The following SEZ6 variants were observed in gnomAD, a reference collection of about 807,000 sequenced individuals.
SEZ6 encodes seizure related 6 homolog.
A neutral mutation model predicts 101.0 loss-of-function variants in SEZ6; 53 were observed. The ratio of observed to expected loss-of-function variants is 0.52; its 90% CI spans 0.42 to 0.66. SEZ6 has a LOEUF of 0.66. SEZ6 is among the 30% of genes least tolerant of loss of function. The pLI, the probability that SEZ6 is intolerant of heterozygous loss-of-function variation, is 0.00. For synonymous variants in SEZ6, 488 were observed against 512.2 expected (o/e 0.95, Z 0.64); for missense variants, 1,102 against 1,289.4 (o/e 0.85, Z 2.23).
At chr17:28,971,525 G>A (rs138978098) in intron 3 of SEZ6, among the ~76,000 whole-genome samples, 2,853 of 152,092 alleles carry the variant, frequency 0.019, 89 homozygotes, top group African/African-American at 0.065. Context: ...CCTGGGAGGC[G>A]GAGGTTGCGG....
At chr17:28,964,947 G>C (rs1032845938) in intron 4 of SEZ6, among the ~76,000 whole-genome samples, 1 of 151,582 alleles carries the variant, frequency 6.6e-6, no homozygotes, top group Non-Finnish European at 1.5e-5. Context: ...TCCCAGCTAC[G>C]GGGGAGGCTG....
intron 4 of SEZ6, among the ~76,000 whole-genome samples, chr17:28,966,723 A>G (rs1421866675): frequency 1.3e-5 from 2 of 152,066 alleles, no homozygotes; most frequent in African/African-American, 4.8e-5. Flanking sequence ...CTTTGTGTGA[A>G]TAGAAAAATG....
In SEZ6 at chr17:29,005,512, G is replaced by A. The variant is rs995841333; in HGVS notation, c.55+303C>T. 1.3e-5 allele frequency among the ~76,000 whole-genome samples: 2 copies of A among 152,212 alleles called. No individual in the cohort carries two copies. Among genetic ancestry groups the A allele is most frequent in the African/African-American group, 4.8e-5 (2 of 41,470 alleles). ...TAGAGTGTGGCGAGGTAGCGCGCGG[G>A]TGAGCGCGTGTGTGCGGGGAGTGGG... On this transcript the variant is annotated intron_variant, in intron 1 of 16. Coordinates refer to ENST00000317338, the MANE Select transcript of SEZ6 (RefSeq NM_178860.5). This position sits in a 1 kb window ranked among gnomAD's most constrained non-coding sequence, Gnocchi z 4.8.
chr17:28,986,973 G>C (rs547197142), intron 1 of SEZ6, among the ~76,000 whole-genome samples: 1 of 152,320 alleles, frequency 6.6e-6, no homozygotes, highest in African/African-American at 2.4e-5. Flanking sequence ...GGGCAGTCAC[G>C]GGAACCAAAG....
In SEZ6 at chr17:28,979,794, G is replaced by A. The variant is rs751156958; in HGVS notation, c.744C>T (p.Phe248=). The A allele has an allele frequency of 3.7e-6, 6 of 1,611,194 alleles. No homozygotes were observed. The highest frequency in any genetic ancestry group is 5.1e-6 in the Non-Finnish European group (6 of 1,178,802). Reference sequence around the variant, plus strand: ...AGTCCAGAGAGCCCTCTGGGCCTGAGAAATTCCAGCTACAAGGGCCTGGGA... The same window carrying A: ...AGTCCAGAGAGCCCTCTGGGCCTGAAAAATTCCAGCTACAAGGGCCTGGGA... ...VQTPGPCSWN[F]SGPEGSLDSP... Residue 248 remains phenylalanine, a synonymous_variant, in exon 3 of 17, where the codon TTC becomes TTT. Coordinates refer to ENST00000317338, the MANE Select transcript of SEZ6 (RefSeq NM_178860.5).
At chr17:28,957,581 C>T in intron 11 of SEZ6, 42 bp from the exon 12 acceptor site, 1 of 1,576,550 alleles carries the variant, frequency 6.3e-7, no homozygotes, top group Non-Finnish European at 8.6e-7. Context: ...CCAAGGAGAA[C>T]TAAGCAGAGG....
chr17:28,985,807 A>G lies in SEZ6; in HGVS notation c.56-3768T>C, dbSNP rs528294576. Among the ~76,000 whole-genome samples, 6 of 152,312 alleles carry G rather than the reference A, an allele frequency of 3.9e-5. No individual in the cohort carries two copies. In the South Asian group the frequency reaches 1.2e-3, roughly 32 times the overall value. On this transcript the variant is annotated intron_variant, in intron 1 of 16. Transcript: ENST00000317338. ...AACAAGGATAATACTGCACCATGCAAAGGGCGACCACCTTCAAGGCCCTGC... is the reference window on the plus strand; with the variant it reads ...AACAAGGATAATACTGCACCATGCAGAGGGCGACCACCTTCAAGGCCCTGC...
Position 29,005,077 on chromosome 17 carries a change from TG to T in SEZ6, c.55+737del, listed in dbSNP as rs1448691236. On this transcript the variant is annotated intron_variant, in intron 1 of 16. Coordinates refer to ENST00000317338, the MANE Select transcript of SEZ6 (RefSeq NM_178860.5). The surrounding 1 kb of genome is among the most constrained non-coding windows in gnomAD (Gnocchi z 4.8). The stretch of plus-strand genomic sequence containing the variant: ...GGGAGGGAGGCAGAGCTCGGGGCAG[TG>T]GTGTGTGTGTGTGTGTGTGTGTGTG... 7.2e-5 allele frequency among the ~76,000 whole-genome samples: 7 copies of T among 96,850 alleles called. No individual in the cohort carries two copies. Among genetic ancestry groups the T allele is most frequent in the Non-Finnish European group, 1.1e-4 (5 of 45,736 alleles). 63.5% of individuals were successfully genotyped at this position (96,850 alleles called of 152,430 possible). A position where few individuals can be genotyped will look rare whatever the true frequency, so the allele number is the denominator to read the frequency against.
chr17:28,982,190 G>T (rs1959579578), intron 1 of SEZ6, among the ~76,000 whole-genome samples, 151 bp from the exon 2 acceptor site: 1 of 152,146 alleles, frequency 6.6e-6, no homozygotes, highest in Non-Finnish European at 1.5e-5. Flanking sequence ...CAGAATTTGT[G>T]AACTGGAAGT....
chr17:28,973,737 A>T (rs1195733821), intron 3 of SEZ6, among the ~76,000 whole-genome samples: 1 of 152,072 alleles, frequency 6.6e-6, no homozygotes, highest in East Asian at 1.9e-4. Flanking sequence ...GTCGGACAGG[A>T]GGGGTGATGA....
At chr17:28,963,127 G>GAA (rs61378133) in intron 5 of SEZ6, among the ~76,000 whole-genome samples, 4 of 110,290 alleles carry the variant, frequency 3.6e-5, no homozygotes, top group Admixed American at 9.4e-5. Context: ...CCGTCTCGAA[G>GAA]AAAAAAAAAA....
chr17:28,956,658 G>C, intron 14 of SEZ6, 61 bp downstream of exon 14: 9 of 1,548,818 alleles, frequency 5.8e-6, no homozygotes, highest in Non-Finnish European at 7.9e-6. Context: ...CCCATGACCT[G>C]GGAGCCGTGA....
intron 3 of SEZ6, among the ~76,000 whole-genome samples, chr17:28,977,326 G>A (rs1055515597): frequency 2.0e-5 from 3 of 152,174 alleles, no homozygotes; most frequent in African/African-American, 7.2e-5. Flanking sequence ...CCCCGCTCTG[G>A]CCACCCTGTG....
rs1491040301 is a variant in SEZ6 at position 29,005,117 on chromosome 17, G to GTGTGTA, written c.55+697_55+698insTACACA. Among the ~76,000 whole-genome samples, 3 of 140,616 alleles carry GTGTGTA rather than the reference G, an allele frequency of 2.1e-5. No homozygotes were observed. Among genetic ancestry groups the GTGTGTA allele is most frequent in the Non-Finnish European group, 3.1e-5 (2 of 64,014 alleles). The allele number at this position is 140,616 out of a possible 152,430, so 92.2% of individuals were successfully genotyped here. On this transcript the variant is annotated intron_variant, in intron 1 of 16. Coordinates refer to ENST00000317338, the MANE Select transcript of SEZ6 (RefSeq NM_178860.5). This position sits in a 1 kb window ranked among gnomAD's most constrained non-coding sequence, Gnocchi z 4.8. ...TGTGTGTGTGTGTGTGTGTGTGTGT[G>GTGTGTA]TACAAGGAAAGGACTTTGGGGAGGA...
intron 4 of SEZ6, among the ~76,000 whole-genome samples, chr17:28,965,488 A>T (rs1443016579): frequency 3.3e-5 from 5 of 152,102 alleles, no homozygotes; most frequent in East Asian, 1.9e-4. Flanking sequence ...AAAAATTTTT[A>T]AAAAATACCC....
At chr17:28,979,258 G>T (rs2041265002) in intron 3 of SEZ6, among the ~76,000 whole-genome samples, 1 of 152,146 alleles carries the variant, frequency 6.6e-6, no homozygotes, top group African/African-American at 2.4e-5. Flanking sequence ...GTGTAATCAG[G>T]TCTGTCTTCC....
intron 1 of SEZ6, among the ~76,000 whole-genome samples, chr17:28,985,532 A>G (rs527583568): frequency 6.6e-6 from 1 of 152,238 alleles, no homozygotes; most frequent in Non-Finnish European, 1.5e-5. Context: ...CTCCTCAGCT[A>G]TAAAATGGGC....
chr17:28,956,140 G>T lies in SEZ6; in HGVS notation c.2952+19C>A. The T allele has an allele frequency of 6.2e-7, 1 of 1,608,210 alleles. No homozygotes were observed. Among genetic ancestry groups the T allele is most frequent in the Non-Finnish European group, 8.5e-7 (1 of 1,176,464 alleles). The stretch of plus-strand genomic sequence containing the variant: ...AACTGGGTCTTGGATAGGGTGGCAA[G>T]GCTGGCATGGTTACTTACTCCAGTC... On this transcript the variant is annotated intron_variant, in intron 16 of 16. Coordinates refer to ENST00000317338, the MANE Select transcript of SEZ6 (RefSeq NM_178860.5).
chr17:28,958,174 C>A, intron 10 of SEZ6, 33 bp from the exon 11 acceptor site: 1 of 1,559,874 alleles, frequency 6.4e-7, no homozygotes, highest in South Asian at 1.2e-5. Flanking sequence ...TGCAGGCCCT[C>A]GGCCAGCACC....
Sources: allele counts gnomAD v4.1 joint callset (sites outside exome capture counted in the v4.1 genomes callset), GRCh38; gene constraint gnomAD v4.1.1; non-coding constraint Gnocchi (gnomAD v3.1); transcripts MANE v1.5; gene names NCBI Gene and HGNC (gene_info 2026-07-23, HGNC 2026-07-21).